OAS1: variants seen among roughly 807,000 people sequenced by gnomAD.
OAS1 encodes the protein 2'-5'-oligoadenylate synthetase 1.
Under a neutral mutation model 38.5 loss-of-function variants are expected in OAS1, and 24 were observed. The observed-to-expected ratio is 0.62, with a 90% CI of 0.45 to 0.88. OAS1 has a LOEUF of 0.88. Among genes scored for constraint, OAS1 ranks in the 40% least tolerant of loss-of-function variants. The pLI is 0.00. For missense variants in OAS1, 482 were observed against 493.9 expected (o/e 0.98, Z 0.23); for synonymous variants, 169 against 193.9 (o/e 0.87, Z 1.07).
intron 5 of OAS1, 134 bp downstream of exon 5, chr12:112,917,834 C>T (rs1374718084): frequency 6.3e-7 from 1 of 1,588,426 alleles, no homozygotes. Context: ...TAGTGACAGG[C>T]TGTGCTCCAT....
At chr12:112,917,083 G>A (rs958390396) in intron 4 of OAS1, 24 of 342,006 alleles carry the variant, frequency 7.0e-5, no homozygotes, top group Non-Finnish European at 1.2e-4. Flanking sequence ...GGTATTGAAA[G>A]CTTGTTGTAA....
At chr12:112,925,282 C>A (rs1028574843) in intron 6 of OAS1, among the ~76,000 whole-genome samples, 1 of 152,064 alleles carries the variant, frequency 6.6e-6, no homozygotes, top group Admixed American at 6.6e-5. Flanking sequence ...TGAACTCTCC[C>A]ACACCCTCCC....
intron 3 of OAS1, 44 bp from the exon 4 acceptor site, chr12:112,916,465 G>A: frequency 6.5e-7 from 1 of 1,526,924 alleles, no homozygotes. Flanking sequence ...TTACACAAAA[G>A]TTGAGCAAAC....
intron 6 of OAS1, among the ~76,000 whole-genome samples, chr12:112,930,798 T>C (rs2043592222): frequency 6.6e-6 from 1 of 152,228 alleles, no homozygotes. Context: ...CAAACTGTGT[T>C]CTTTCAAATG....
At chr12:112,931,226 A>AGTTGTAATGT (rs1365941043) in intron 6 of OAS1, among the ~76,000 whole-genome samples, 2 of 152,228 alleles carry the variant, frequency 1.3e-5, no homozygotes, top group African/African-American at 4.8e-5. Context: ...CTTTCCAGGC[A>AGTTGTAATGT]CATGCTAGGG....
At chr12:112,910,021 C>T (rs930475934) in intron 2 of OAS1, among the ~76,000 whole-genome samples, 4 of 152,144 alleles carry the variant, frequency 2.6e-5, no homozygotes, top group African/African-American at 7.2e-5. Flanking sequence ...TTTGGATTCT[C>T]TCCTTTGTGC....
chr12:112,912,023 G>A (rs1032300970), intron 3 of OAS1, among the ~76,000 whole-genome samples: 23 of 152,258 alleles, frequency 1.5e-4, no homozygotes, highest in African/African-American at 5.1e-4. Flanking sequence ...TGGCTCATTC[G>A]GCCAATAAGT....
intron 2 of OAS1, chr12:112,909,157 C>T: frequency 2.5e-6 from 1 of 401,192 alleles, no homozygotes; most frequent in Non-Finnish European, 4.4e-6. Flanking sequence ...ATCTTTGTCC[C>T]AACATGAGAT....
chr12:112,923,993 G>A (rs2043545236), downstream of OAS1, among the ~76,000 whole-genome samples: 1 of 152,168 alleles, frequency 6.6e-6, no homozygotes. Context: ...TCATGACATT[G>A]GTCTTTCCAG....
intron 3 of OAS1, among the ~76,000 whole-genome samples, chr12:112,914,110 G>A (rs866126575): frequency 1.6e-4 from 24 of 152,068 alleles, no homozygotes; most frequent in African/African-American, 4.3e-4. Flanking sequence ...CCCGCAGTCC[G>A]CAAAGTCCCA....
At chr12:112,909,689 C>T (rs192938793) in intron 2 of OAS1, among the ~76,000 whole-genome samples, 5 of 152,240 alleles carry the variant, frequency 3.3e-5, no homozygotes, top group African/African-American at 1.2e-4. Context: ...GTCAATCAGT[C>T]AAAACTATGA....
intron 6 of OAS1, among the ~76,000 whole-genome samples, chr12:112,929,834 T>A (rs966089673): frequency 1.3e-5 from 2 of 152,222 alleles, no homozygotes; most frequent in Non-Finnish European, 2.9e-5. Flanking sequence ...CCTGAGTTAC[T>A]GTGCTTAGCA....
chr12:112,909,429 C>T, intron 2 of OAS1, among the ~76,000 whole-genome samples: 1 of 152,180 alleles, frequency 6.6e-6, no homozygotes, highest in East Asian at 1.9e-4. Context: ...GAGGCTGAGG[C>T]AGGAGGGTCG....
intron 6 of OAS1, among the ~76,000 whole-genome samples, chr12:112,930,423 G>A (rs1031876775): frequency 3.9e-5 from 6 of 152,224 alleles, no homozygotes; most frequent in African/African-American, 1.4e-4. Context: ...TGTGGGATTT[G>A]AACCCACCTT....
At chr12:112,914,730 G>GTTTT (rs60578734) in intron 3 of OAS1, among the ~76,000 whole-genome samples, 2 of 118,492 alleles carry the variant, frequency 1.7e-5, no homozygotes, top group African/African-American at 3.0e-5. Context: ...GTTGGTATTT[G>GTTTT]TTTTTTTTTT....
At chr12:112,910,604 T>C (rs2043362666) in intron 2 of OAS1, among the ~76,000 whole-genome samples, 1 of 151,566 alleles carries the variant, frequency 6.6e-6, no homozygotes, top group Admixed American at 6.6e-5. Context: ...CATGGCACAT[T>C]TGAGGAAGAG....
chr12:112,925,450 T>C (rs1264297386), intron 6 of OAS1, among the ~76,000 whole-genome samples: 5 of 152,156 alleles, frequency 3.3e-5, no homozygotes, highest in African/African-American at 1.2e-4. Flanking sequence ...CTGCCTGGGC[T>C]CAAATCCTGC....
intron 2 of OAS1, among the ~76,000 whole-genome samples, chr12:112,910,029 T>C (rs2043353536): frequency 6.6e-6 from 1 of 152,142 alleles, no homozygotes; most frequent in South Asian, 2.1e-4. Flanking sequence ...CTCTCCTTTG[T>C]GCCATCTCCT....
chr12:112,913,249 C>G (rs941165088), intron 3 of OAS1, among the ~76,000 whole-genome samples: 1 of 152,146 alleles, frequency 6.6e-6, no homozygotes, highest in African/African-American at 2.4e-5. Flanking sequence ...TATAAGTAAC[C>G]TGTCTTATTC....
Sources: allele counts gnomAD v4.1 joint callset (sites outside exome capture counted in the v4.1 genomes callset), GRCh38; gene constraint gnomAD v4.1.1; transcripts MANE v1.5; gene names NCBI Gene and HGNC (gene_info 2026-07-23, HGNC 2026-07-21).